Variants in ELMO3 observed in about 807,000 individuals in gnomAD.
ELMO3 encodes the protein engulfment and cell motility protein 3.
In ELMO3, 81 loss-of-function variants were observed where a neutral mutation model predicts 89.0. That is an observed-to-expected ratio of 0.91 (90% CI 0.76 to 1.09). The LOEUF (loss-of-function observed/expected upper bound fraction) is 1.09, where lower values mean the gene tolerates loss of function less well. Ranked by LOEUF, ELMO3 falls within the 50% of genes least tolerant of loss-of-function variation. The probability of loss-of-function intolerance (pLI) is 0.00; values close to 1 mark genes in which losing one functional copy is unlikely to be tolerated. For missense variants in ELMO3, 959 were observed against 972.8 expected (o/e 0.99, Z 0.19); for synonymous variants, 406 against 400.6 (o/e 1.01, Z -0.16).
At position 67,201,796 on chromosome 16, in the gene ELMO3, G is replaced by C. The variant is rs751447505; in HGVS notation, c.973G>C (p.Glu325Gln). 1 of 1,611,954 alleles carries C rather than the reference G, an allele frequency of 6.2e-7. No individual in the cohort carries two copies. The highest frequency in any genetic ancestry group is 8.5e-7 in the Non-Finnish European group (1 of 1,180,006). ...CCAGGCTGCCTTCGAGGTGGAGGGG[G>C]AGTCCTCGGGTGCCGGGCTAAGTGC... ...LRQAAFEVEG[E>Q]SSGAGLSADR... is the part of the protein sequence containing the mutation. Residue 325 changes from glutamate to glutamine, a missense_variant, in exon 11 of 20, where the codon GAG (glutamate) becomes CAG (glutamine). Transcript: ENST00000393997.
chr16:67,200,861 T>C (rs769469673), intron 7 of ELMO3, 29 bp from the exon 8 acceptor site: 1 of 1,613,716 alleles, frequency 6.2e-7, no homozygotes, highest in South Asian at 1.1e-5. Flanking sequence ...GGAGCCTGAA[T>C]GTTCCACTGA....
In ELMO3 at chr16:67,203,799, C is replaced by T. The variant is rs2033184350; in HGVS notation, c.2085C>T (p.Ile695=). 2 of 1,611,752 alleles carry T rather than the reference C, an allele frequency of 1.2e-6. No individual in the cohort carries two copies. The highest frequency in any genetic ancestry group is 1.7e-5 in the Admixed American group (1 of 59,932). Residue 695 remains isoleucine, a synonymous_variant, in exon 20 of 20, where the codon ATC becomes ATT. Coordinates refer to ENST00000393997, the MANE Select transcript of ELMO3 (RefSeq NM_024712.5). This position sits in a 1 kb window ranked among gnomAD's most constrained non-coding sequence, Gnocchi z 4.6. The part of the protein sequence containing the change: ...LRLLELENVP[I]PERPPPVPPP... ...TGCTGGAGCTGGAGAACGTGCCCATCCCCGAGCGGCCACCCCCTGTGCCCC... is the reference window on the plus strand; with the variant it reads ...TGCTGGAGCTGGAGAACGTGCCCATTCCCGAGCGGCCACCCCCTGTGCCCC...
Position 67,200,475 on chromosome 16 carries a change from C to G in ELMO3, c.438C>G (p.Ser146Arg), listed in dbSNP as rs763962241. 4 of 1,613,348 alleles carry G rather than the reference C, an allele frequency of 2.5e-6. No individual in the cohort carries two copies. In the Admixed American group the frequency reaches 5.0e-5, roughly 20 times the overall value. ...GCCTAGGAGAGGTGCTGGCCCTCAG[C>G]CTGAGGGCCTTCTCAGAGCTCATGG... The part of the protein sequence containing the change: ...GDDLGEVLAL[S>R]LRAFSELMEH... The change falls in exon 6 of 20, where the codon AGC becomes AGG. Residue 146 changes from serine (S) to arginine (R), a missense_variant. Physicochemically the swap from Ser to Arg is moderately radical, Grantham distance 110 (BLOSUM62 -1). Coordinates refer to ENST00000393997, the MANE Select transcript of ELMO3 (RefSeq NM_024712.5).
At chr16:67,201,002 A>C (rs1320023243) in intron 8 of ELMO3, 34 bp downstream of exon 8, 3 of 1,565,298 alleles carry the variant, frequency 1.9e-6, no homozygotes, top group East Asian at 4.5e-5. Context: ...TGGGGGCAGC[A>C]CCCGGTGGGC....
At position 67,200,971 on chromosome 16, in the gene ELMO3, G is replaced by A. The variant is rs1289833905; in HGVS notation, c.744+3G>A. The A allele has an allele frequency of 3.1e-6, 5 of 1,598,462 alleles. No homozygotes were observed. Among genetic ancestry groups the A allele is most frequent in the African/African-American group, 1.4e-5 (1 of 73,924 alleles). ...GGGCCAGCCCTGTGGAACGCAAGGT[G>A]AGTGTCGATCGGTGGCTAGATGGGG... On this transcript the variant is annotated splice_donor_region_variant and intron_variant, in intron 8 of 19. Transcript: ENST00000393997.
chr16:67,203,759 A>G lies in ELMO3; in HGVS notation c.2045A>G (p.Glu682Gly). ...RLDLEQLLTM[E>G]TKLRLLELEN... Reference sequence around the variant, plus strand: ...GACCTGGAGCAGCTGCTGACCATGGAGACCAAGCTGCGTCTGCTGGAGCTG... The same window carrying G: ...GACCTGGAGCAGCTGCTGACCATGGGGACCAAGCTGCGTCTGCTGGAGCTG... The change falls in exon 20 of 20, where the codon GAG becomes GGG. Residue 682 changes from glutamate to glycine, a missense_variant. Coordinates refer to ENST00000393997, the MANE Select transcript of ELMO3 (RefSeq NM_024712.5). The surrounding 1 kb of genome is among the most constrained non-coding windows in gnomAD (Gnocchi z 4.6). The G allele has an allele frequency of 6.2e-7, 1 of 1,613,372 alleles. No homozygotes were observed. The highest frequency in any genetic ancestry group is 8.5e-7 in the Non-Finnish European group (1 of 1,179,986).
In ELMO3 at chr16:67,202,165, TGC is replaced by T. The variant is rs1020765721; in HGVS notation, c.1153-8_1153-7del. 2.5e-6 allele frequency: 4 copies of T among 1,598,694 alleles called. No individual in the cohort carries two copies. The highest frequency in any genetic ancestry group is 3.4e-6 in the Non-Finnish European group (4 of 1,170,426). On this transcript the variant is annotated splice_polypyrimidine_tract_variant and intron_variant, in intron 12 of 19. Coordinates refer to ENST00000393997, the MANE Select transcript of ELMO3 (RefSeq NM_024712.5). ...AGCTGTGACTCCTTGCCCCATTCTC[TGC>T]GCCCCCAGTTTGTGTTGGAGAACAG... is the stretch of plus-strand genomic sequence containing the variant.
rs767948250 is a variant in ELMO3, at chr16:67,203,179, A to G, written c.1736A>G (p.Glu579Gly). The G allele has an allele frequency of 6.2e-7, 1 of 1,611,670 alleles. No homozygotes were observed. Among genetic ancestry groups the G allele is most frequent in the South Asian group, 1.1e-5 (1 of 90,994 alleles). ...NHKLLQYGDM[E>G]EGASPPTLES... ...AAGCTGCTGCAGTACGGAGACATGG[A>G]GGAGGGCGCCAGCCCGCCTACCCTG... The change falls in exon 17 of 20, where the codon GAG becomes GGG. Residue 579 changes from glutamate to glycine, a missense_variant. Coordinates refer to ENST00000393997, the MANE Select transcript of ELMO3 (RefSeq NM_024712.5). This position sits in a 1 kb window ranked among gnomAD's most constrained non-coding sequence, Gnocchi z 4.6.
chr16:67,203,182 AG>A lies in ELMO3; in HGVS notation c.1742del (p.Gly581AlafsTer19), dbSNP rs1452279343. ...HKLLQYGDME[E>X]GASPPTLESL... ...CTGCTGCAGTACGGAGACATGGAGG[AG>A]GGCGCCAGCCCGCCTACCCTGGAGA... is the stretch of plus-strand genomic sequence containing the variant. On this transcript the variant is annotated frameshift_variant, in exon 17 of 20. Coordinates refer to ENST00000393997, the MANE Select transcript of ELMO3 (RefSeq NM_024712.5). LOFTEE classifies it high-confidence loss of function. This position sits in a 1 kb window ranked among gnomAD's most constrained non-coding sequence, Gnocchi z 4.6. The A allele has an allele frequency of 2.5e-6, 4 of 1,611,338 alleles. No individual in the cohort carries two copies. The highest frequency in any genetic ancestry group is 3.4e-6 in the Non-Finnish European group (4 of 1,179,776).
rs757982459 is a variant in ELMO3, at chr16:67,202,091, G to A, written c.1152+13G>A. ...CGCGTACAGCCGGGTCGGTGACAGG[G>A]TAGGGTGGGGGGGTGGCAGCATCCC... On this transcript the variant is annotated intron_variant, in intron 12 of 19. Transcript: ENST00000393997. The A allele has an allele frequency of 1.5e-6, 1 of 672,690 alleles. No homozygotes were observed. The highest frequency in any genetic ancestry group is 1.8e-5 in the African/African-American group (1 of 54,482). The allele number at this position is 672,690 out of a possible 1,614,324, so 41.7% of individuals were successfully genotyped here. A position where few individuals can be genotyped will look rare whatever the true frequency, so the allele number is the denominator to read the frequency against.
In ELMO3 at chr16:67,202,984, T is replaced by C; in HGVS notation, c.1655T>C (p.Ile552Thr). 5.0e-6 allele frequency: 8 copies of C among 1,606,642 alleles called. No individual in the cohort carries two copies. The highest frequency in any genetic ancestry group is 6.8e-6 in the Non-Finnish European group (8 of 1,179,854). Residue 552 changes from isoleucine to threonine, a missense_variant, in exon 16 of 20, where the codon ATC (isoleucine) becomes ACC (threonine). By Grantham distance (89) the Ile-to-Thr change is moderately conservative. Coordinates refer to ENST00000393997, the MANE Select transcript of ELMO3 (RefSeq NM_024712.5). ...RLCEGTLFRK[I>T]SSRRRQDKLW... is the part of the protein sequence containing the mutation. ...TGTGAGGGGACGCTCTTCCGCAAGA[T>C]CAGCAGCCGGCGGCGCCAGGGTCTC...
In ELMO3 at chr16:67,203,230, C is replaced by T. The variant is rs1467022515; in HGVS notation, c.1780+7C>T. 6.2e-6 allele frequency: 10 copies of T among 1,600,570 alleles called. No individual in the cohort carries two copies. The highest frequency in any genetic ancestry group is 1.7e-4 in the Middle Eastern group (1 of 6,030). On this transcript the variant is annotated splice_region_variant and intron_variant, in intron 17 of 19. Transcript: ENST00000393997. This position sits in a 1 kb window ranked among gnomAD's most constrained non-coding sequence, Gnocchi z 4.6. ...GAGAGTCTGCCCGAGCAACGTAAGG[C>T]GGGCAGGGGCGGGGGCCAGATACCT... is the stretch of plus-strand genomic sequence containing the variant.
chr16:67,203,186 C>T lies in ELMO3; in HGVS notation c.1743C>T (p.Gly581=), dbSNP rs750942480. The change falls in exon 17 of 20, where the codon GGC becomes GGT. Residue 581 remains glycine, a synonymous_variant. Transcript: ENST00000393997. The surrounding 1 kb of genome is among the most constrained non-coding windows in gnomAD (Gnocchi z 4.6). ...KLLQYGDMEE[G]ASPPTLESLP... The stretch of plus-strand genomic sequence containing the variant: ...TGCAGTACGGAGACATGGAGGAGGG[C>T]GCCAGCCCGCCTACCCTGGAGAGTC... 1.6e-5 allele frequency: 25 copies of T among 1,610,872 alleles called. No individual in the cohort carries two copies. Among genetic ancestry groups the T allele is most frequent in the African/African-American group, 1.3e-5 (1 of 74,910 alleles).
In ELMO3 at chr16:67,203,027, G is replaced by C; in HGVS notation, c.1675+23G>C. On this transcript the variant is annotated intron_variant, in intron 16 of 19. Coordinates refer to ENST00000393997, the MANE Select transcript of ELMO3 (RefSeq NM_024712.5). The surrounding 1 kb of genome is among the most constrained non-coding windows in gnomAD (Gnocchi z 4.6). ...AGGGTCTCTGAATGGGCATGGGCAG[G>C]GGGCAGAGGGCAGGCAGAGGGCAGG... 6.2e-7 allele frequency: 1 copy of C among 1,603,634 alleles called. No individual in the cohort carries two copies. Among genetic ancestry groups the C allele is most frequent in the Non-Finnish European group, 8.5e-7 (1 of 1,178,774 alleles).
chr16:67,203,172 G>T lies in ELMO3; in HGVS notation c.1729G>T (p.Asp577Tyr). ...CAACCACAAGCTGCTGCAGTACGGA[G>T]ACATGGAGGAGGGCGCCAGCCCGCC... The part of the protein sequence containing the change: ...SPNHKLLQYG[D>Y]MEEGASPPTL... The change falls in exon 17 of 20, where the codon GAC becomes TAC. Residue 577 changes from aspartate (D) to tyrosine (Y), a missense_variant. Physicochemically the swap from Asp to Tyr is radical, Grantham distance 160 (BLOSUM62 -3). Coordinates refer to ENST00000393997, the MANE Select transcript of ELMO3 (RefSeq NM_024712.5). This position sits in a 1 kb window ranked among gnomAD's most constrained non-coding sequence, Gnocchi z 4.6. 1 of 1,612,138 alleles carries T rather than the reference G, an allele frequency of 6.2e-7. No individual in the cohort carries two copies. Among genetic ancestry groups the T allele is most frequent in the Non-Finnish European group, 8.5e-7 (1 of 1,179,840 alleles).
Position 67,203,377 on chromosome 16 carries a change from GT to G in ELMO3, c.1832del (p.Val611AlafsTer69). On this transcript the variant is annotated frameshift_variant, in exon 18 of 20. Coordinates refer to ENST00000393997, the MANE Select transcript of ELMO3 (RefSeq NM_024712.5). LOFTEE classifies it high-confidence loss of function. The surrounding 1 kb of genome is among the most constrained non-coding windows in gnomAD (Gnocchi z 4.6). ...CCTGACAGGCAAGGACTGCCCCCAT[GT>G]CCGGGAGAAGGGCTCCGGGAAGCAG... is the stretch of plus-strand genomic sequence containing the variant. ...ALLTGKDCPHVREKGSGKQNK... is the reference protein window; with the variant it reads ...ALLTGKDCPHXREKGSGKQNK... The G allele has an allele frequency of 6.2e-7, 1 of 1,610,404 alleles. No individual in the cohort carries two copies. The highest frequency in any genetic ancestry group is 8.5e-7 in the Non-Finnish European group (1 of 1,179,010).
At position 67,200,177 on chromosome 16, in the gene ELMO3, CTCCGT is replaced by C; in HGVS notation, c.244-11_244-7del. ...CCCAGCCTCTTCACCTCTGCTCCTG[CTCCGT>C]TCCTGCCAGGACCTTGAGGCTGAGC... On this transcript the variant is annotated splice_polypyrimidine_tract_variant and intron_variant, in intron 4 of 19. Transcript: ENST00000393997. 1 of 1,608,102 alleles carries C rather than the reference CTCCGT, an allele frequency of 6.2e-7. No individual in the cohort carries two copies. Among genetic ancestry groups the C allele is most frequent in the Non-Finnish European group, 8.5e-7 (1 of 1,176,404 alleles).
In ELMO3 at chr16:67,203,224, G is replaced by GT. The variant is rs1567693603; in HGVS notation, c.1780+2dup. On this transcript the variant is annotated splice_donor_variant, in intron 17 of 19. Transcript: ENST00000393997. LOFTEE classifies it high-confidence loss of function. The surrounding 1 kb of genome is among the most constrained non-coding windows in gnomAD (Gnocchi z 4.6). ...ACCCTGGAGAGTCTGCCCGAGCAAC[G>GT]TAAGGCGGGCAGGGGCGGGGGCCAG... 22 of 1,605,910 alleles carry GT rather than the reference G, an allele frequency of 1.4e-5. No individual in the cohort carries two copies. The South Asian group carries it at 1.9e-4, about 14-fold the overall frequency.
intron 6 of ELMO3, 37 bp downstream of exon 6, chr16:67,200,587 T>G: frequency 6.2e-7 from 1 of 1,612,666 alleles, no homozygotes; most frequent in African/African-American, 1.3e-5. Flanking sequence ...GTGGGGGCAG[T>G]GGAGCAGTGG....
Sources: allele counts gnomAD v4.1 joint callset, GRCh38; gene constraint gnomAD v4.1.1; non-coding constraint Gnocchi (gnomAD v3.1); transcripts MANE v1.5; gene names NCBI Gene and HGNC (gene_info 2026-07-23, HGNC 2026-07-21).